BRINP3: variants seen among roughly 807,000 people sequenced by gnomAD.
The protein encoded by BRINP3 is BMP/retinoic acid inducible neural specific 3, also known as BMP/retinoic acid-inducible neural-specific protein 3.
A neutral mutation model predicts 71.0 loss-of-function variants in BRINP3; 19 were observed. The ratio of observed to expected loss-of-function variants is 0.27; its 90% confidence interval spans 0.19 to 0.39. The LOEUF (loss-of-function observed/expected upper bound fraction) is 0.39, where lower values mean the gene tolerates loss of function less well. BRINP3 is among the 10% of genes least tolerant of loss of function. BRINP3 has a pLI of 1.00. For missense variants in BRINP3, 959 were observed against 940.8 expected (o/e 1.02, Z -0.25); for synonymous variants, 380 against 337.7 (o/e 1.13, Z -1.37).
intron 2 of BRINP3, among the ~76,000 whole-genome samples, chr1:190,430,646 A>C (rs971015503): frequency 2.0e-5 from 3 of 152,220 alleles, no homozygotes; most frequent in African/African-American, 7.2e-5. Context: ...AGTTTCTCTT[A>C]CTTAAGCTGT....
At chr1:190,142,738 A>T (rs1655559891) in intron 7 of BRINP3, among the ~76,000 whole-genome samples, 1 of 152,084 alleles carries the variant, frequency 6.6e-6, no homozygotes, top group Non-Finnish European at 1.5e-5. Flanking sequence ...CAAATAAAAA[A>T]ATTAAAAATA....
At chr1:190,268,593 G>A (rs1373019550) in intron 3 of BRINP3, among the ~76,000 whole-genome samples, 1 of 152,040 alleles carries the variant, frequency 6.6e-6, no homozygotes, top group Non-Finnish European at 1.5e-5. Context: ...GAATCACAGT[G>A]TCAGAAAAAA....
intron 2 of BRINP3, among the ~76,000 whole-genome samples, chr1:190,426,576 G>A (rs936465741): frequency 1.3e-5 from 2 of 151,672 alleles, no homozygotes; most frequent in Admixed American, 6.6e-5. Flanking sequence ...GAGCATTTGG[G>A]ATTTCAGATT....
chr1:190,465,695 A>G (rs539637017), intron 1 of BRINP3, among the ~76,000 whole-genome samples: 653 of 151,962 alleles, frequency 4.3e-3, no homozygotes, highest in Middle Eastern at 0.017. Context: ...TTTCTTGTTG[A>G]GTTCAGAGTT....
rs562578651 is a variant in BRINP3, at chr1:190,214,295, T to A, written c.961+11787A>T. On this transcript the variant is annotated intron_variant, in intron 6 of 7. Transcript: ENST00000367462. ...TCTGGGATAAATAACTTGCTTTTGGTTCATGACTTGATATCAAAAGAAACT... is the reference window on the plus strand; with the variant it reads ...TCTGGGATAAATAACTTGCTTTTGGATCATGACTTGATATCAAAAGAAACT... Among the ~76,000 whole-genome samples, 3 of 152,198 alleles carry A rather than the reference T, an allele frequency of 2.0e-5. No homozygotes were observed. In the South Asian group the frequency reaches 6.2e-4, roughly 32 times the overall value.
chr1:190,281,715 A>G lies in BRINP3; in HGVS notation c.272T>C (p.Val91Ala), dbSNP rs1176677978. ...FGRWKVNNLAVERRNFLGSPL... is the reference protein window; with the variant it reads ...FGRWKVNNLAAERRNFLGSPL... ...AGAGCCAAGGAAATTTCTTCTCTCA[A>G]CTGCAAGGTTATTTACTTTCCAGCG... is the stretch of plus-strand genomic sequence containing the variant. The change falls in exon 3 of 8, where the codon GTT becomes GCT. Residue 91 changes from valine to alanine, a missense_variant. Physicochemically the swap from Val to Ala is moderately conservative, Grantham distance 64. Coordinates refer to ENST00000367462, the MANE Select transcript of BRINP3 (RefSeq NM_199051.3). The G allele has an allele frequency of 6.8e-6, 11 of 1,612,418 alleles. No homozygotes were observed. Among genetic ancestry groups the G allele is most frequent in the Non-Finnish European group, 6.8e-6 (8 of 1,179,166 alleles).
At chr1:190,201,018 G>A (rs1188387958) in intron 6 of BRINP3, among the ~76,000 whole-genome samples, 3 of 152,262 alleles carry the variant, frequency 2.0e-5, no homozygotes, top group East Asian at 3.9e-4. Context: ...ACCCAAAAAT[G>A]GGGAAGCAAC....
intron 7 of BRINP3, among the ~76,000 whole-genome samples, chr1:190,143,002 G>A (rs2102396038): frequency 6.6e-6 from 1 of 152,124 alleles, no homozygotes; most frequent in South Asian, 2.1e-4. Flanking sequence ...GGTATCTGAG[G>A]AAAGAAAATA....
intron 2 of BRINP3, among the ~76,000 whole-genome samples, chr1:190,368,712 C>T (rs1669666522): frequency 6.6e-6 from 1 of 152,102 alleles, no homozygotes. Context: ...GTAATCACCC[C>T]AGCACGTGGA....
At chr1:190,449,605 A>T (rs983450175) in intron 2 of BRINP3, among the ~76,000 whole-genome samples, 8 of 151,910 alleles carry the variant, frequency 5.3e-5, no homozygotes, top group Non-Finnish European at 1.0e-4. Context: ...ATATTACTGT[A>T]TTATTTTATT....
chr1:190,154,935 A>G (rs1217735860), intron 7 of BRINP3, among the ~76,000 whole-genome samples: 1 of 152,146 alleles, frequency 6.6e-6, no homozygotes, highest in Admixed American at 6.6e-5. Context: ...CTGTTGCTTC[A>G]GGACAAACAA....
At chr1:190,382,374 A>G (rs868347775) in intron 2 of BRINP3, among the ~76,000 whole-genome samples, 2 of 152,176 alleles carry the variant, frequency 1.3e-5, no homozygotes, top group African/African-American at 4.8e-5. Flanking sequence ...TTCCAACTGC[A>G]TATTCAATAG....
intron 2 of BRINP3, among the ~76,000 whole-genome samples, chr1:190,450,808 T>A (rs1675555776): frequency 6.6e-6 from 1 of 152,150 alleles, no homozygotes; most frequent in Non-Finnish European, 1.5e-5. Context: ...TTTTCTCATA[T>A]GGATACCCAT....
chr1:190,244,774 C>A (rs1659430337), intron 4 of BRINP3, among the ~76,000 whole-genome samples: 1 of 152,020 alleles, frequency 6.6e-6, no homozygotes, highest in Non-Finnish European at 1.5e-5. Context: ...TTTTAATTTT[C>A]TCCTACTCAA....
At chr1:190,437,902 G>A (rs1462578502) in intron 2 of BRINP3, among the ~76,000 whole-genome samples, 2 of 151,358 alleles carry the variant, frequency 1.3e-5, no homozygotes, top group South Asian at 2.1e-4. Context: ...AACGTTCTAC[G>A]GGATTTTGTT....
intron 6 of BRINP3, among the ~76,000 whole-genome samples, chr1:190,192,149 C>G (rs1654088474): frequency 6.6e-6 from 1 of 152,116 alleles, no homozygotes; most frequent in East Asian, 1.9e-4. Context: ...CAATACTTCA[C>G]AGGGCATATT....
intron 1 of BRINP3, among the ~76,000 whole-genome samples, chr1:190,465,799 T>C (rs1033323411): frequency 6.6e-6 from 1 of 151,880 alleles, no homozygotes; most frequent in African/African-American, 2.4e-5. Context: ...GTATTATGAA[T>C]AATTTTTTTA....
At chr1:190,443,882 T>C (rs746579593) in intron 2 of BRINP3, among the ~76,000 whole-genome samples, 3 of 152,108 alleles carry the variant, frequency 2.0e-5, no homozygotes, top group Non-Finnish European at 4.4e-5. Context: ...TTAAGCAAGC[T>C]TCATTCTTTC....
chr1:190,318,147 T>G (rs1177759373), intron 2 of BRINP3, among the ~76,000 whole-genome samples: 1 of 152,136 alleles, frequency 6.6e-6, no homozygotes, highest in East Asian at 1.9e-4. Flanking sequence ...ATCTTAATAG[T>G]AGCCCAAACT....
Sources: gnomAD v4.1 joint callset for allele counts (sites outside exome capture counted in the v4.1 genomes callset) on GRCh38, gnomAD v4.1.1 for gene constraint, MANE v1.5 for transcripts, NCBI Gene and HGNC (gene_info 2026-07-23, HGNC 2026-07-21) for gene names.